AKR1B15: variants seen among roughly 807,000 people sequenced by gnomAD.
The protein encoded by AKR1B15 is estradiol 17-beta-dehydrogenase AKR1B15.
In AKR1B15, 49 loss-of-function variants were observed where a neutral mutation model predicts 38.5. The observed-to-expected ratio is 1.27, with a 90% CI of 1.01 to 1.62. AKR1B15 has a LOEUF of 1.62. Ranked by LOEUF, AKR1B15 falls within the 40% of genes most tolerant of loss-of-function variation. The pLI, the probability that AKR1B15 is intolerant of heterozygous loss-of-function variation, is 0.00. For synonymous variants in AKR1B15, 137 were observed against 135.5 expected, an observed-to-expected ratio of 1.01 and a Z score of -0.08; for missense variants, 411 against 381.6, an observed-to-expected ratio of 1.08 and a Z score of -0.64.
chr7:134,579,749 G>A lies in AKR1B15; in HGVS notation c.*200G>A. On this transcript the variant is annotated 3_prime_UTR_variant, in exon 12 of 12. Transcript: ENST00000457545. The stretch of plus-strand genomic sequence containing the variant: ...GATAAGAATATCACAGAAAAGCATG[G>A]CCTGAATAAGCAAATGACAATTTTT... 2.0e-6 allele frequency: 1 copy of A among 505,844 alleles called. No individual in the cohort carries two copies. The highest frequency in any genetic ancestry group is 3.2e-5 in the East Asian group (1 of 31,226). 31.3% of individuals were successfully genotyped at this position (505,844 alleles called of 1,614,324 possible). A position where few individuals can be genotyped will look rare whatever the true frequency, so the allele number is the denominator to read the frequency against.
At chr7:134,565,160 C>T (rs1794504434) in intron 3 of AKR1B15, 3 of 349,948 alleles carry the variant, frequency 8.6e-6, no homozygotes, top group Non-Finnish European at 1.6e-5. Context: ...TTGTTCTTAC[C>T]CTCTTGACGA....
chr7:134,564,547 C>A (rs139791804), intron 2 of AKR1B15, 51 bp from the exon 3 acceptor site: 1 of 619,244 alleles, frequency 1.6e-6, no homozygotes, highest in Non-Finnish European at 2.9e-6. Flanking sequence ...TGCTATTACT[C>A]ACCTTTGGGC....
chr7:134,567,986 G>A (rs1227384862), intron 3 of AKR1B15, among the ~76,000 whole-genome samples, 172 bp from the exon 4 acceptor site: 3 of 152,084 alleles, frequency 2.0e-5, no homozygotes, highest in African/African-American at 7.2e-5. Context: ...AGGTGAAGGT[G>A]GTCTGGGGAT....
intron 1 of AKR1B15, among the ~76,000 whole-genome samples, chr7:134,553,352 C>T (rs1228984462): frequency 2.0e-5 from 3 of 152,214 alleles, no homozygotes; most frequent in Admixed American, 2.0e-4. Context: ...CTCTTGCCCT[C>T]CCAAATATCT....
Position 134,573,275 on chromosome 7 carries a change from C to G in AKR1B15, c.513+1594C>G. On this transcript the variant is annotated intron_variant, in intron 6 of 11. Coordinates refer to ENST00000457545, the MANE Select transcript of AKR1B15 (RefSeq NM_001080538.3). ...CAAACTCCTGACCTCAAGGGATCCA[C>G]CCGTCTCAGCCTCCCAAAGTGTTCA... 4 of 697,352 alleles carry G rather than the reference C, an allele frequency of 5.7e-6. 1 individual carries two copies. The highest frequency in any genetic ancestry group is 1.3e-4 in the South Asian group (2 of 15,658). The allele number at this position is 697,352 out of a possible 1,614,324, so 43.2% of individuals were successfully genotyped here.
intron 1 of AKR1B15, among the ~76,000 whole-genome samples, chr7:134,553,214 G>C (rs2117600243): frequency 6.6e-6 from 1 of 152,204 alleles, no homozygotes; most frequent in East Asian, 1.9e-4. Context: ...GTCGCCTATA[G>C]ATATTGGGGT....
rs1794492464 is a variant in AKR1B15, at chr7:134,564,676, C to A, written c.57C>A (p.Pro19=). 7.1e-6 allele frequency: 5 copies of A among 699,586 alleles called. No homozygotes were observed. Among genetic ancestry groups the A allele is most frequent in the Non-Finnish European group, 1.3e-5 (5 of 384,278 alleles). 43.3% of individuals were successfully genotyped at this position (699,586 alleles called of 1,614,324 possible). A position where few individuals can be genotyped will look rare whatever the true frequency, so the allele number is the denominator to read the frequency against. The change falls in exon 3 of 12, where the codon CCC becomes CCA. Residue 19 remains proline, a synonymous_variant. Transcript: ENST00000457545. ...VNSTNNFHQG[P]LDQPVGPLTG... is the part of the protein sequence containing the mutation. ...CAACTAACAACTTCCACCAAGGACC[C>A]CTGGACCAACCCGTTGGCCCTTTGA...
At position 134,571,613 on chromosome 7, in the gene AKR1B15, G is replaced by T; in HGVS notation, c.445G>T (p.Asp149Tyr). ...CATTCTGTATTTACAGACTGGGGAT[G>T]ACTTTTTCCCCAAAGATGATAAAGG... ...HWPQGFKTGD[D>Y]FFPKDDKGNM... is the part of the protein sequence containing the mutation. The change falls in exon 6 of 12, where the codon GAC becomes TAC. Residue 149 changes from aspartate (D) to tyrosine (Y), a missense_variant. By Grantham distance (160) the Asp-to-Tyr change is radical (BLOSUM62 -3). Coordinates refer to ENST00000457545, the MANE Select transcript of AKR1B15 (RefSeq NM_001080538.3). 4 of 1,613,068 alleles carry T rather than the reference G, an allele frequency of 2.5e-6. No individual in the cohort carries two copies. The highest frequency in any genetic ancestry group is 3.4e-6 in the Non-Finnish European group (4 of 1,179,292).
At chr7:134,555,936 C>T (rs1794178914) in intron 1 of AKR1B15, among the ~76,000 whole-genome samples, 1 of 152,184 alleles carries the variant, frequency 6.6e-6, no homozygotes, top group African/African-American at 2.4e-5. Context: ...GAGGATGAAC[C>T]TGATCCTCAA....
intron 6 of AKR1B15, among the ~76,000 whole-genome samples, chr7:134,572,631 G>GAA (rs367742933): frequency 2.5e-4 from 32 of 125,694 alleles, no homozygotes; most frequent in East Asian, 2.0e-3. Context: ...CCATCTTGAA[G>GAA]AAAAAAAAAA....
intron 2 of AKR1B15, among the ~76,000 whole-genome samples, chr7:134,558,329 T>G (rs1794273169): frequency 6.6e-6 from 1 of 152,242 alleles, no homozygotes; most frequent in Admixed American, 6.5e-5. Flanking sequence ...TTATACTTAT[T>G]AGTAATAATA....
In AKR1B15 at chr7:134,576,329, C is replaced by T. The variant is rs1480471937; in HGVS notation, c.744-20C>T. On this transcript the variant is annotated intron_variant, in intron 8 of 11. Transcript: ENST00000457545. ...CGGTAGCCATGGTGATTATTCACAT[C>T]AGCATCTTTCTGCCCCTAGGGCCAA... The T allele has an allele frequency of 1.2e-6, 2 of 1,609,078 alleles. No homozygotes were observed. Among genetic ancestry groups the T allele is most frequent in the Non-Finnish European group, 1.7e-6 (2 of 1,175,760 alleles).
At chr7:134,576,201 G>A (rs972980333) in intron 8 of AKR1B15, 148 bp from the exon 9 acceptor site, 166 of 1,073,578 alleles carry the variant, frequency 1.5e-4, no homozygotes, top group South Asian at 4.8e-4. Flanking sequence ...TTCAGAGCCC[G>A]GGGAAAGGAC....
chr7:134,559,270 C>T (rs1794309548), intron 2 of AKR1B15, among the ~76,000 whole-genome samples: 1 of 152,046 alleles, frequency 6.6e-6, no homozygotes, highest in African/African-American at 2.4e-5. Flanking sequence ...TATGTCTATA[C>T]CACAAAAAAT....
At chr7:134,556,218 C>A (rs995134668) in intron 1 of AKR1B15, among the ~76,000 whole-genome samples, 1 of 152,176 alleles carries the variant, frequency 6.6e-6, no homozygotes. Context: ...TGTCCCACTG[C>A]CATTCCTGGT....
intron 4 of AKR1B15, among the ~76,000 whole-genome samples, chr7:134,568,824 G>A (rs1794601925): frequency 6.6e-6 from 1 of 151,818 alleles, no homozygotes; most frequent in Non-Finnish European, 1.5e-5. Context: ...TGGGTGTGAG[G>A]GTGTTGAGAA....
intron 2 of AKR1B15, among the ~76,000 whole-genome samples, chr7:134,559,004 T>C (rs781103241): frequency 5.1e-4 from 77 of 152,206 alleles, no homozygotes; most frequent in Non-Finnish European, 8.4e-4. Flanking sequence ...GATGGACTCA[T>C]CACACCCGAG....
chr7:134,557,580 G>A (rs537107619), intron 2 of AKR1B15, among the ~76,000 whole-genome samples: 4 of 152,266 alleles, frequency 2.6e-5, no homozygotes, highest in Non-Finnish European at 4.4e-5. Context: ...GAACGCACTC[G>A]GTTGACGGTG....
chr7:134,569,387 C>A (rs1286912587), intron 4 of AKR1B15, 26 bp from the exon 5 acceptor site: 7 of 1,612,804 alleles, frequency 4.3e-6, no homozygotes, highest in African/African-American at 4.0e-5. Flanking sequence ...CCCAGTATTA[C>A]TAGCTCATTG....
Sources: allele counts gnomAD v4.1 joint callset (sites outside exome capture counted in the v4.1 genomes callset), GRCh38; gene constraint gnomAD v4.1.1; transcripts MANE v1.5; gene names NCBI Gene and HGNC (gene_info 2026-07-23, HGNC 2026-07-21).